Variants in PLAGL1 observed in about 807,000 individuals in gnomAD.
PLAGL1 encodes the protein zinc finger protein PLAGL1.
A neutral mutation model predicts 4.6 loss-of-function variants in PLAGL1; 1 was observed. That is an observed-to-expected ratio of 0.22 (90% confidence interval 0.08 to 1.03). The LOEUF (loss-of-function observed/expected upper bound fraction) is 1.03. Among genes scored for constraint, PLAGL1 ranks in the 50% least tolerant of loss-of-function variants. The pLI, the probability that PLAGL1 is intolerant of heterozygous loss-of-function variation, is 0.58. For missense variants in PLAGL1, 464 were observed against 570.4 expected (o/e 0.81, Z 1.90); for synonymous variants, 240 against 237.8 (o/e 1.01, Z -0.08).
chr6:143,973,238 A>G lies in PLAGL1; in HGVS notation c.-543-4260T>C, dbSNP rs905971457. Among the ~76,000 whole-genome samples the G allele has an allele frequency of 6.6e-6, 1 of 152,140 alleles. No homozygotes were observed. Among genetic ancestry groups the G allele is most frequent in the African/African-American group, 2.4e-5 (1 of 41,410 alleles). On this transcript the variant is annotated intron_variant, in intron 2 of 7. Transcript: ENST00000674357. This position sits in a 1 kb window ranked among gnomAD's most constrained non-coding sequence, Gnocchi z 6.2. ...CCCAGGGAGCAGCTGCAACAAAGAGATCAAAGGCCCACCTCTCTTTCCCTC... is the reference window on the plus strand; with the variant it reads ...CCCAGGGAGCAGCTGCAACAAAGAGGTCAAAGGCCCACCTCTCTTTCCCTC...
Position 143,989,612 on chromosome 6 carries a change from G to A in PLAGL1, c.-583-4438C>T, listed in dbSNP as rs551245624. ...CCAGAATCACACCACCAGCTTTCCC[G>A]AGTCTCCAGCTTGCAGACAGTTGAC... On this transcript the variant is annotated intron_variant, in intron 1 of 7. Coordinates refer to ENST00000674357, the MANE Select transcript of PLAGL1 (RefSeq NM_001317162.2). The surrounding 1 kb of genome is among the most constrained non-coding windows in gnomAD (Gnocchi z 4.8). Among the ~76,000 whole-genome samples, 4 of 152,272 alleles carry A rather than the reference G, an allele frequency of 2.6e-5. No individual in the cohort carries two copies. The highest frequency in any genetic ancestry group is 6.8e-3 in the Middle Eastern group (2 of 294).
rs1246382952 is a variant in PLAGL1, at chr6:143,942,867, C to A, written c.153-204G>T. ...CTAAAGCCATAATACATTTTTCACA[C>A]CTATAAAACGTTTTTTGAGACAGGA... On this transcript the variant is annotated intron_variant, in intron 7 of 7. Transcript: ENST00000674357. This position sits in a 1 kb window ranked among gnomAD's most constrained non-coding sequence, Gnocchi z 7.6. Among the ~76,000 whole-genome samples, 2 of 151,836 alleles carry A rather than the reference C, an allele frequency of 1.3e-5. No individual in the cohort carries two copies. Among genetic ancestry groups the A allele is most frequent in the Non-Finnish European group, 2.9e-5 (2 of 67,974 alleles).
At position 143,948,027 on chromosome 6, in the gene PLAGL1, G is replaced by C; in HGVS notation, c.110C>G (p.Pro37Arg). The C allele has an allele frequency of 6.2e-7, 1 of 1,614,100 alleles. No individual in the cohort carries two copies. The highest frequency in any genetic ancestry group is 8.5e-7 in the Non-Finnish European group (1 of 1,179,952). Reference protein sequence around the residue: ...SRERPYKCVQPDCGKAFVSRY... With the variant: ...SRERPYKCVQRDCGKAFVSRY... ...GGAAACAAAGGCTTTGCCACAGTCA[G>C]GCTGCACACACTTGTACGGCCGCTC... Residue 37 changes from proline to arginine, a missense_variant, in exon 7 of 8, where the codon CCT (proline) becomes CGT (arginine). By Grantham distance (103) the Pro-to-Arg change is moderately radical. This residue lies in a region of PLAGL1 where 161 missense variants were observed against 196.7 expected (regional missense o/e 0.82). Coordinates refer to ENST00000674357, the MANE Select transcript of PLAGL1 (RefSeq NM_001317162.2). This position sits in a 1 kb window ranked among gnomAD's most constrained non-coding sequence, Gnocchi z 6.0.
In PLAGL1 at chr6:144,061,960, C is replaced by A. The variant is rs188629223; in HGVS notation, c.-151+2508G>T. ...AATTATATTTACTATGAATGTAGGA[C>A]CCATTTTGAGCTTTTTCTTTTTTGT... On this transcript the variant is annotated intron_variant, in intron 1 of 3. Transcript: ENST00000437412. The surrounding 1 kb of genome is among the most constrained non-coding windows in gnomAD (Gnocchi z 4.4). Among the ~76,000 whole-genome samples, 1 of 152,184 alleles carries A rather than the reference C, an allele frequency of 6.6e-6. No individual in the cohort carries two copies. Among genetic ancestry groups the A allele is most frequent in the Admixed American group, 6.5e-5 (1 of 15,268 alleles).
chr6:143,950,220 G>A lies in PLAGL1; in HGVS notation c.-324-1760C>T, dbSNP rs190032470. Among the ~76,000 whole-genome samples the A allele has an allele frequency of 2.8e-4, 43 of 152,250 alleles. No homozygotes were observed. The East Asian group carries it at 6.6e-3, about 23-fold the overall frequency. ...CTTGGCACCACACCTTCTTTGTGACGGCTGTGATTCTAGCAGCACACACAA... is the reference window on the plus strand; with the variant it reads ...CTTGGCACCACACCTTCTTTGTGACAGCTGTGATTCTAGCAGCACACACAA... On this transcript the variant is annotated intron_variant, in intron 6 of 7. Coordinates refer to ENST00000674357, the MANE Select transcript of PLAGL1 (RefSeq NM_001317162.2). This position sits in a 1 kb window ranked among gnomAD's most constrained non-coding sequence, Gnocchi z 6.3.
rs530528686 is a variant in PLAGL1 at position 143,966,055 on chromosome 6, T to C, written c.-431+103A>G. Reference sequence around the variant, plus strand: ...TTTCCGCATGCTAGAGGCAGATCCATATTGGTTCCCCAGTCTGTTTTTGGA... The same window carrying C: ...TTTCCGCATGCTAGAGGCAGATCCACATTGGTTCCCCAGTCTGTTTTTGGA... On this transcript the variant is annotated intron_variant, in intron 4 of 7. Transcript: ENST00000674357. This position sits in a 1 kb window ranked among gnomAD's most constrained non-coding sequence, Gnocchi z 6.0. 1 of 152,386 alleles carries C rather than the reference T, an allele frequency of 6.6e-6. No individual in the cohort carries two copies. Among genetic ancestry groups the C allele is most frequent in the South Asian group, 2.1e-4 (1 of 4,826 alleles). The allele number at this position is 152,386 out of a possible 1,614,324, so 9.4% of individuals were successfully genotyped here. A position where few individuals can be genotyped will look rare whatever the true frequency, so the allele number is the denominator to read the frequency against.
At chr6:144,012,434 G>T (rs534439151), upstream of PLAGL1, among the ~76,000 whole-genome samples, 11 of 151,876 alleles carry the variant, frequency 7.2e-5, no homozygotes, top group African/African-American at 2.7e-4. This position sits in a 1 kb window ranked among gnomAD's most constrained non-coding sequence, Gnocchi z 4.8. Flanking sequence ...GGGGAAGTTC[G>T]CCATGTTAGC....
In PLAGL1 at chr6:143,941,712, A is replaced by G. The variant is rs2128502790; in HGVS notation, c.1104T>C (p.Asp368=). The change falls in exon 8 of 8, where the codon GAT becomes GAC. Residue 368 remains aspartate (D), a synonymous_variant. Transcript: ENST00000674357. The surrounding 1 kb of genome is among the most constrained non-coding windows in gnomAD (Gnocchi z 6.0). The part of the protein sequence containing the change: ...KVNLPKELPA[D]AVNLTIPASL... ...AGGCAGGTATTGTTAGGTTCACAGC[A>G]TCTGCAGGCAGCTCCTTGGGCAGGT... 6.2e-7 allele frequency: 1 copy of G among 1,614,240 alleles called. No homozygotes were observed. Among genetic ancestry groups the G allele is most frequent in the African/African-American group, 1.3e-5 (1 of 75,070 alleles).
chr6:144,023,331 A>T (rs994472101), intron 1 of PLAGL1, among the ~76,000 whole-genome samples: 77 of 152,294 alleles, frequency 5.1e-4, no homozygotes, highest in Middle Eastern at 3.4e-3. Flanking sequence ...ACATAACAAT[A>T]TGCATTTGAC....
chr6:143,998,496 T>A (rs572411096), intron 1 of PLAGL1, among the ~76,000 whole-genome samples: 11 of 152,190 alleles, frequency 7.2e-5, no homozygotes, highest in Non-Finnish European at 1.5e-4. Context: ...ATAATAATAC[T>A]TACTTTGCAA....
At position 143,941,408 on chromosome 6, in the gene PLAGL1, A is replaced by G; in HGVS notation, c.*16T>C. On this transcript the variant is annotated 3_prime_UTR_variant, in exon 8 of 8. Transcript: ENST00000674357. The surrounding 1 kb of genome is among the most constrained non-coding windows in gnomAD (Gnocchi z 6.0). Reference sequence around the variant, plus strand: ...AAACATCTTCCAGAATACGAAAAATACACTTTAAAAATCAATTATCTGAAT... The same window carrying G: ...AAACATCTTCCAGAATACGAAAAATGCACTTTAAAAATCAATTATCTGAAT... 1 of 1,488,042 alleles carries G rather than the reference A, an allele frequency of 6.7e-7. No homozygotes were observed. The highest frequency in any genetic ancestry group is 8.9e-7 in the Non-Finnish European group (1 of 1,117,622). 92.2% of individuals were successfully genotyped at this position (1,488,042 alleles called of 1,614,324 possible).
chr6:144,002,631 G>A (rs922552842), intron 1 of PLAGL1, among the ~76,000 whole-genome samples: 1 of 151,756 alleles, frequency 6.6e-6, no homozygotes, highest in African/African-American at 2.4e-5. Flanking sequence ...CATACACTAG[G>A]CAAGATGTTT....
At chr6:144,032,991 T>C (rs1796943085) in intron 1 of PLAGL1, among the ~76,000 whole-genome samples, 1 of 152,228 alleles carries the variant, frequency 6.6e-6, no homozygotes, top group Non-Finnish European at 1.5e-5. Context: ...TAAGTGATGA[T>C]GAAGGACCAC....
intron 1 of PLAGL1, among the ~76,000 whole-genome samples, chr6:144,025,307 T>C (rs1796255200): frequency 6.6e-6 from 1 of 152,216 alleles, no homozygotes; most frequent in Non-Finnish European, 1.5e-5. Context: ...TGTGAGAGAC[T>C]GTCACAGCCA....
rs978719628 is a variant in PLAGL1, at chr6:144,063,166, A to C, written c.-151+1302T>G. ...CAAAGATCACTTGCAGAACCAAAGA[A>C]TGAATTTATTTGTTGCAACCTGCAC... On this transcript the variant is annotated intron_variant, in intron 1 of 3. Coordinates refer to the PLAGL1 transcript ENST00000437412. This position sits in a 1 kb window ranked among gnomAD's most constrained non-coding sequence, Gnocchi z 5.7. 6.6e-6 allele frequency among the ~76,000 whole-genome samples: 1 copy of C among 152,212 alleles called. No individual in the cohort carries two copies. The highest frequency in any genetic ancestry group is 1.5e-5 in the Non-Finnish European group (1 of 68,042).
chr6:143,986,834 G>A (rs912549672), intron 1 of PLAGL1, among the ~76,000 whole-genome samples: 1 of 152,092 alleles, frequency 6.6e-6, no homozygotes, highest in African/African-American at 2.4e-5. Flanking sequence ...ATACCCTGGC[G>A]AGGCTTTCTT....
At chr6:144,032,808 G>A (rs189366323) in intron 1 of PLAGL1, among the ~76,000 whole-genome samples, 7 of 152,170 alleles carry the variant, frequency 4.6e-5, no homozygotes, top group Admixed American at 4.6e-4. Context: ...GATCCAGTGT[G>A]CTGGGATTAC....
In PLAGL1 at chr6:143,989,438, G is replaced by A. The variant is rs1412136367; in HGVS notation, c.-583-4264C>T. 6.6e-6 allele frequency among the ~76,000 whole-genome samples: 1 copy of A among 152,222 alleles called. No homozygotes were observed. Among genetic ancestry groups the A allele is most frequent in the Non-Finnish European group, 1.5e-5 (1 of 68,050 alleles). On this transcript the variant is annotated intron_variant, in intron 1 of 7. Coordinates refer to ENST00000674357, the MANE Select transcript of PLAGL1 (RefSeq NM_001317162.2). This position sits in a 1 kb window ranked among gnomAD's most constrained non-coding sequence, Gnocchi z 4.8. ...ATGGGCTGGCATCATCCAATCCACT[G>A]AGGGCCCGAATAGAACAAAAAGGTG... is the stretch of plus-strand genomic sequence containing the variant.
intron 1 of PLAGL1, among the ~76,000 whole-genome samples, chr6:144,043,648 T>C (rs1281583468): frequency 1.3e-5 from 2 of 152,202 alleles, no homozygotes; most frequent in Non-Finnish European, 2.9e-5. Context: ...TTTTTTTTGT[T>C]GTGTCTCTGC....
Sources: gnomAD v4.1 joint callset for allele counts (sites outside exome capture counted in the v4.1 genomes callset) on GRCh38, gnomAD v4.1.1 for gene constraint, gnomAD v4.1.1 regional missense constraint, Gnocchi (gnomAD v3.1) non-coding constraint, MANE v1.5 for transcripts, NCBI Gene and HGNC (gene_info 2026-07-23, HGNC 2026-07-21) for gene names.